CAMKMT: variants seen among roughly 807,000 people sequenced by gnomAD.
CAMKMT encodes CaM KMT.
In CAMKMT, 53 loss-of-function variants were observed where a neutral mutation model predicts 48.0. The ratio of observed to expected loss-of-function variants is 1.10; its 90% confidence interval spans 0.89 to 1.39. The LOEUF (loss-of-function observed/expected upper bound fraction) is 1.39. Ranked by LOEUF, CAMKMT falls within the 40% of genes most tolerant of loss-of-function variation. The pLI, the probability that CAMKMT is intolerant of heterozygous loss-of-function variation, is 0.00. For missense variants in CAMKMT, 428 were observed against 402.7 expected (o/e 1.06, Z -0.54); for synonymous variants, 165 against 152.3 (o/e 1.08, Z -0.61).
chr2:44,771,066 A>T (rs917212166), intron 10 of CAMKMT, among the ~76,000 whole-genome samples: 1 of 152,250 alleles, frequency 6.6e-6, no homozygotes, highest in Non-Finnish European at 1.5e-5. Flanking sequence ...AGGAACATGC[A>T]CTTCGAAAAG....
chr2:44,417,295 T>A (rs1438932347), intron 3 of CAMKMT, among the ~76,000 whole-genome samples: 1 of 152,038 alleles, frequency 6.6e-6, no homozygotes, highest in Non-Finnish European at 1.5e-5. Context: ...CTCAGGAGGC[T>A]GAGGCAGGAG....
chr2:44,580,834 C>G (rs1669516202), intron 3 of CAMKMT, among the ~76,000 whole-genome samples: 1 of 152,106 alleles, frequency 6.6e-6, no homozygotes, highest in South Asian at 2.1e-4. Flanking sequence ...TTGATCTGCC[C>G]CGGTCAGTTG....
chr2:44,629,198 A>G (rs1672666005), intron 3 of CAMKMT, among the ~76,000 whole-genome samples: 1 of 152,062 alleles, frequency 6.6e-6, no homozygotes, highest in African/African-American at 2.4e-5. Flanking sequence ...TTTGAAGCTC[A>G]TATTTGTTGC....
intron 3 of CAMKMT, among the ~76,000 whole-genome samples, chr2:44,666,497 A>C (rs1026902058): frequency 6.6e-6 from 1 of 152,176 alleles, no homozygotes; most frequent in African/African-American, 2.4e-5. Context: ...AAATAGGGTG[A>C]ACAGACAGAC....
chr2:44,626,760 C>G (rs1672505664), intron 3 of CAMKMT, among the ~76,000 whole-genome samples: 1 of 152,170 alleles, frequency 6.6e-6, no homozygotes, highest in African/African-American at 2.4e-5. Context: ...AGGATTTCAA[C>G]ATATGAATTT....
intron 3 of CAMKMT, among the ~76,000 whole-genome samples, chr2:44,671,792 C>G (rs954783667): frequency 2.6e-5 from 4 of 152,038 alleles, no homozygotes; most frequent in African/African-American, 9.7e-5. Context: ...TTGTTTCTGG[C>G]TAAAAGAGGG....
intron 2 of CAMKMT, among the ~76,000 whole-genome samples, chr2:44,386,441 A>G (rs1191687589): frequency 1.3e-5 from 2 of 151,618 alleles, no homozygotes; most frequent in African/African-American, 2.4e-5. Flanking sequence ...TATCAATTTT[A>G]TTTATCTTTT....
At position 44,704,879 on chromosome 2, in the gene CAMKMT, A is replaced by T. The variant is rs181596693; in HGVS notation, c.437+536A>T. Among the ~76,000 whole-genome samples, 18 of 152,110 alleles carry T rather than the reference A, an allele frequency of 1.2e-4. No individual in the cohort carries two copies. The East Asian group carries it at 3.1e-3, about 26-fold the overall frequency. On this transcript the variant is annotated intron_variant, in intron 4 of 10. Coordinates refer to ENST00000378494, the MANE Select transcript of CAMKMT (RefSeq NM_024766.5). ...TTACCATTACGGATTCATGCTACGG[A>T]AATAAGTGTTTTCAACTGTTAGTGT...
chr2:44,506,022 T>G (rs1236521721), intron 3 of CAMKMT, among the ~76,000 whole-genome samples: 2 of 151,934 alleles, frequency 1.3e-5, no homozygotes, highest in African/African-American at 4.8e-5. Flanking sequence ...GCCTGGCTAA[T>G]TTTTGTATTT....
chr2:44,527,209 C>G (rs980254865), intron 3 of CAMKMT, among the ~76,000 whole-genome samples: 2 of 147,496 alleles, frequency 1.4e-5, no homozygotes, highest in African/African-American at 5.0e-5. Flanking sequence ...CCTCCCATCT[C>G]AGCCTCCCTA....
intron 7 of CAMKMT, among the ~76,000 whole-genome samples, chr2:44,737,605 T>G (rs1333855493): frequency 6.6e-6 from 1 of 152,172 alleles, no homozygotes; most frequent in Non-Finnish European, 1.5e-5. Context: ...TTCCTGGCCC[T>G]GTGTGAGCAC....
At chr2:44,696,453 T>C (rs889624746) in intron 3 of CAMKMT, among the ~76,000 whole-genome samples, 5 of 152,156 alleles carry the variant, frequency 3.3e-5, no homozygotes, top group Admixed American at 1.3e-4. Context: ...GGAGAATTGA[T>C]TGAAAGTTGT....
chr2:44,497,206 A>G (rs899799685), intron 3 of CAMKMT, among the ~76,000 whole-genome samples: 2 of 152,202 alleles, frequency 1.3e-5, no homozygotes, highest in African/African-American at 4.8e-5. Context: ...AATATTGGGA[A>G]TGTTGACAGA....
At position 44,425,428 on chromosome 2, in the gene CAMKMT, A is replaced by G. The variant is rs183620833; in HGVS notation, c.376+35123A>G. The stretch of plus-strand genomic sequence containing the variant: ...CAATTGCAAGTTATCGTAGAAGTAT[A>G]AAGACAAGGTCATTATAGACTGATA... On this transcript the variant is annotated intron_variant, in intron 3 of 10. Coordinates refer to ENST00000378494, the MANE Select transcript of CAMKMT (RefSeq NM_024766.5). Among the ~76,000 whole-genome samples, 13 of 152,342 alleles carry G rather than the reference A, an allele frequency of 8.5e-5. No homozygotes were observed. In the East Asian group the frequency reaches 2.5e-3, roughly 29 times the overall value.
Position 44,598,524 on chromosome 2 carries a change from G to C in CAMKMT, c.377-105759G>C, listed in dbSNP as rs143763695. Among the ~76,000 whole-genome samples, 68 of 151,448 alleles carry C rather than the reference G, an allele frequency of 4.5e-4. 1 individual carries two copies. Among genetic ancestry groups the C allele is most frequent in the African/African-American group, 1.6e-3 (65 of 41,130 alleles). On this transcript the variant is annotated intron_variant, in intron 3 of 10. Coordinates refer to ENST00000378494, the MANE Select transcript of CAMKMT (RefSeq NM_024766.5). ...GAATTAGCATTGTCCTCTTCAATGA[G>C]TCACTAATGAACAGCCTGACAAGTA...
intron 3 of CAMKMT, among the ~76,000 whole-genome samples, chr2:44,531,087 C>T (rs1328494431): frequency 6.6e-6 from 1 of 151,942 alleles, no homozygotes; most frequent in Non-Finnish European, 1.5e-5. Flanking sequence ...ATTTTCTAGT[C>T]ACAAGACAAA....
intron 9 of CAMKMT, among the ~76,000 whole-genome samples, 179 bp downstream of exon 9, chr2:44,754,297 C>G (rs115342608): frequency 0.01 from 1,528 of 152,332 alleles, 14 homozygotes; most frequent in Middle Eastern, 0.017. Context: ...AACTAGGAAA[C>G]TTCTTACCCT....
chr2:44,414,184 G>A (rs970611097), intron 3 of CAMKMT, among the ~76,000 whole-genome samples: 1 of 152,142 alleles, frequency 6.6e-6, no homozygotes, highest in Non-Finnish European at 1.5e-5. Flanking sequence ...TTTTCTGGTT[G>A]TTCCAAAGGA....
chr2:44,449,899 G>A (rs1395811351), intron 3 of CAMKMT, among the ~76,000 whole-genome samples: 2 of 152,054 alleles, frequency 1.3e-5, no homozygotes, highest in Non-Finnish European at 2.9e-5. Flanking sequence ...TTTTACATAT[G>A]TCCTTTTATG....
Sources: allele counts gnomAD v4.1 joint callset (sites outside exome capture counted in the v4.1 genomes callset), GRCh38; gene constraint gnomAD v4.1.1; transcripts MANE v1.5; gene names NCBI Gene and HGNC (gene_info 2026-07-23, HGNC 2026-07-21).